CSTB: variants seen among roughly 807,000 people sequenced by gnomAD.
The protein encoded by CSTB is cystatin B, also known as cystatin-B.
In CSTB, 8 loss-of-function variants were observed where a neutral mutation model predicts 7.6. The ratio of observed to expected loss-of-function variants is 1.05; its 90% confidence interval spans 0.62 to 1.89. The LOEUF is 1.89. CSTB is among the 40% of genes most tolerant of loss of function. CSTB has a pLI of 0.00. For missense variants in CSTB, 124 were observed against 126.4 expected (o/e 0.98, Z 0.09); for synonymous variants, 56 against 55.3 (o/e 1.01, Z -0.06).
rs971973529 is a variant in CSTB at position 43,774,172 on chromosome 21, C to T, written c.*30G>A. On this transcript the variant is annotated 3_prime_UTR_variant, in exon 3 of 3. Coordinates refer to ENST00000291568, the MANE Select transcript of CSTB (RefSeq NM_000100.4). ...GACGGAGGATGACTTTGTCAGTCTTCTGGCTGAAGGGCCTTGTCCAAAGTC... is the reference window on the plus strand; with the variant it reads ...GACGGAGGATGACTTTGTCAGTCTTTTGGCTGAAGGGCCTTGTCCAAAGTC... 3.1e-6 allele frequency: 5 copies of T among 1,614,052 alleles called. No homozygotes were observed. Among genetic ancestry groups the T allele is most frequent in the Admixed American group, 3.3e-5 (2 of 60,010 alleles).
chr21:43,774,262 G>T lies in CSTB; in HGVS notation c.237C>A (p.Pro79=). The change falls in exon 3 of 3, where the codon CCC becomes CCA. Residue 79 remains proline, a synonymous_variant. Transcript: ENST00000291568. ...TGGTCTGGTAGTTAGATAAGGTCAA[G>T]GGCTTGTTTTCATGAGGGAGAGATT... The part of the protein sequence containing the change: ...VFQSLPHENK[P]LTLSNYQTNK... 1 of 1,614,198 alleles carries T rather than the reference G, an allele frequency of 6.2e-7. No individual in the cohort carries two copies. Among genetic ancestry groups the T allele is most frequent in the Non-Finnish European group, 8.5e-7 (1 of 1,180,032 alleles).
At chr21:43,776,087 G>T in intron 1 of CSTB, 117 bp downstream of exon 1, 2 of 974,094 alleles carry the variant, frequency 2.1e-6, no homozygotes, top group Non-Finnish European at 3.0e-6. Flanking sequence ...CCACAGCCCG[G>T]GCCAGCCCAG....
intron 1 of CSTB, chr21:43,775,977 T>C: frequency 4.3e-6 from 2 of 462,860 alleles, no homozygotes; most frequent in Non-Finnish European, 3.8e-6. Flanking sequence ...TCGCCCTTGC[T>C]GTATTCAGCG....
chr21:43,775,086 G>A (rs1014993071), intron 1 of CSTB: 115 of 372,866 alleles, frequency 3.1e-4, no homozygotes, highest in Middle Eastern at 2.9e-3. Flanking sequence ...AGCTGGGCGT[G>A]GTGGCGAGCA....
rs565678280 is a variant in CSTB, at chr21:43,776,180, G to A, written c.66+24C>T. On this transcript the variant is annotated intron_variant, in intron 1 of 2. Coordinates refer to ENST00000291568, the MANE Select transcript of CSTB (RefSeq NM_000100.4). ...GAGGCTAAGGCAGGACTCCGGGCCG[G>A]CCCCGTCCCCGCGGCCCACCCACCT... is the stretch of plus-strand genomic sequence containing the variant. 49 of 1,525,192 alleles carry A rather than the reference G, an allele frequency of 3.2e-5. No individual in the cohort carries two copies. The South Asian group carries it at 3.5e-4, about 11-fold the overall frequency. The allele number at this position is 1,525,192 out of a possible 1,614,324, so 94.5% of individuals were successfully genotyped here.
intron 1 of CSTB, chr21:43,775,783 G>C (rs2084006833): frequency 5.6e-6 from 1 of 178,108 alleles, no homozygotes; most frequent in African/African-American, 2.4e-5. Context: ...AGTTTAGCCA[G>C]ACCCTTCCCA....
At chr21:43,774,799 C>T (rs1344729067) in intron 1 of CSTB, 40 bp from the exon 2 acceptor site, 3 of 1,456,226 alleles carry the variant, frequency 2.1e-6, no homozygotes, top group Non-Finnish European at 2.9e-6. Context: ...TCAGTGGCTT[C>T]TTGGATTCCC....
In CSTB at chr21:43,776,200, C is replaced by A; in HGVS notation, c.66+4G>T. On this transcript the variant is annotated splice_donor_region_variant and intron_variant, in intron 1 of 2. Transcript: ENST00000291568. Reference sequence around the variant, plus strand: ...GGCCGGCCCCGTCCCCGCGGCCCACCCACCTGGTCGGCGATGTGCTGGGTC... The same window carrying A: ...GGCCGGCCCCGTCCCCGCGGCCCACACACCTGGTCGGCGATGTGCTGGGTC... 5 of 1,530,948 alleles carry A rather than the reference C, an allele frequency of 3.3e-6. No individual in the cohort carries two copies. Among genetic ancestry groups the A allele is most frequent in the Non-Finnish European group, 4.4e-6 (5 of 1,142,898 alleles). The allele number at this position is 1,530,948 out of a possible 1,614,324, so 94.8% of individuals were successfully genotyped here.
rs2123387857 is a variant in CSTB at position 43,776,228 on chromosome 21, G to C, written c.42C>G (p.Ala14=). The C allele has an allele frequency of 3.3e-6, 5 of 1,531,604 alleles. No homozygotes were observed. Among genetic ancestry groups the C allele is most frequent in the Non-Finnish European group, 4.4e-6 (5 of 1,142,430 alleles). 94.9% of individuals were successfully genotyped at this position (1,531,604 alleles called of 1,614,324 possible). Residue 14 remains alanine (A), a synonymous_variant, in exon 1 of 3, where the codon GCC becomes GCG. Transcript: ENST00000291568. The part of the protein sequence containing the change: ...GAPSATQPAT[A]ETQHIADQVR... ...CCTGGTCGGCGATGTGCTGGGTCTC[G>C]GCGGTGGCCGGCTGCGTGGCGGAGG...
intron 1 of CSTB, chr21:43,775,908 T>G (rs2084007613): frequency 2.9e-6 from 1 of 349,192 alleles, no homozygotes; most frequent in East Asian, 4.7e-5. Flanking sequence ...TCCCTGGGGT[T>G]TCCTCTCAGA....
Position 43,774,754 on chromosome 21 carries a change from C to A in CSTB, c.72G>T (p.Arg24Ser), listed in dbSNP as rs1281177958. 1 of 1,613,382 alleles carries A rather than the reference C, an allele frequency of 6.2e-7. No individual in the cohort carries two copies. The highest frequency in any genetic ancestry group is 8.5e-7 in the Non-Finnish European group (1 of 1,179,312). ...AETQHIADQV[R>S]SQLEEKENKK... is the part of the protein sequence containing the mutation. ...TGTTTTCTTTCTCTTCAAGCTGGGA[C>A]CTCACCTAGACAGAAGGGACAGAAT... The change falls in exon 2 of 3, where the codon AGG (arginine) becomes AGT (serine). Residue 24 changes from arginine (R) to serine (S), a missense_variant. By Grantham distance (110) the Arg-to-Ser change is moderately radical. Coordinates refer to ENST00000291568, the MANE Select transcript of CSTB (RefSeq NM_000100.4).
In CSTB at chr21:43,774,681, C is replaced by T. The variant is rs559906825; in HGVS notation, c.145G>A (p.Ala49Thr). 1.7e-5 allele frequency: 28 copies of T among 1,614,110 alleles called. No individual in the cohort carries two copies. The African/African-American group carries it at 2.8e-4, about 16-fold the overall frequency. ...KAVSFKSQVVAGTNYFIKVHV... is the reference protein window; with the variant it reads ...KAVSFKSQVVTGTNYFIKVHV... Reference sequence around the variant, plus strand: ...ACCTTGATGAAGTAGTTTGTCCCCGCGACCACCTGGCTCTTGAATGACACG... The same window carrying T: ...ACCTTGATGAAGTAGTTTGTCCCCGTGACCACCTGGCTCTTGAATGACACG... Residue 49 changes from alanine (A) to threonine (T), a missense_variant, in exon 2 of 3, where the codon GCG becomes ACG. Physicochemically the swap from Ala to Thr is moderately conservative, Grantham distance 58. Transcript: ENST00000291568.
At chr21:43,776,030 G>T in intron 1 of CSTB, 174 bp downstream of exon 1, 1 of 529,334 alleles carries the variant, frequency 1.9e-6, no homozygotes, top group Non-Finnish European at 3.2e-6. Context: ...GCGGCCCCCC[G>T]CTGCTCACTC....
At chr21:43,776,029 C>A (rs2084008208) in intron 1 of CSTB, 175 bp downstream of exon 1, 1 of 528,578 alleles carries the variant, frequency 1.9e-6, no homozygotes, top group Non-Finnish European at 3.2e-6. Context: ...CGCGGCCCCC[C>A]GCTGCTCACT....
chr21:43,775,558 T>C (rs1358136266), intron 1 of CSTB: 1 of 152,806 alleles, frequency 6.5e-6, no homozygotes, highest in Non-Finnish European at 1.5e-5. Context: ...TAAAGAAACC[T>C]GTGGACCTTT....
intron 2 of CSTB, 155 bp from the exon 3 acceptor site, chr21:43,774,485 TC>T: frequency 7.9e-7 from 1 of 1,273,448 alleles, no homozygotes; most frequent in Non-Finnish European, 1.1e-6. Flanking sequence ...GGTTCTTAGC[TC>T]CCCAGAAGCC....
intron 2 of CSTB, 32 bp downstream of exon 2, chr21:43,774,626 C>A: frequency 1.3e-6 from 2 of 1,579,662 alleles, no homozygotes; most frequent in South Asian, 1.1e-5. Flanking sequence ...AGCACCCGTT[C>A]GGGGCAGGCC....
intron 2 of CSTB, 82 bp downstream of exon 2, chr21:43,774,576 A>C: frequency 7.6e-7 from 1 of 1,323,284 alleles, no homozygotes; most frequent in Non-Finnish European, 1.1e-6. Context: ...CCCAGCACCT[A>C]AGACCACACA....
rs937022596 is a variant in CSTB, at chr21:43,775,209, A to G, written c.67-450T>C. 7 of 264,944 alleles carry G rather than the reference A, an allele frequency of 2.6e-5. No individual in the cohort carries two copies. The East Asian group carries it at 4.0e-4, about 15-fold the overall frequency. 16.4% of individuals were successfully genotyped at this position (264,944 alleles called of 1,614,324 possible). A position where few individuals can be genotyped will look rare whatever the true frequency, so the allele number is the denominator to read the frequency against. ...CTGCACTCCACCCTGGGCAAGAGTG[A>G]GACTGAGTCTCAAAAACAAAAAAAA... is the stretch of plus-strand genomic sequence containing the variant. On this transcript the variant is annotated intron_variant, in intron 1 of 2. Transcript: ENST00000291568.
Sources: allele counts gnomAD v4.1 joint callset, GRCh38; gene constraint gnomAD v4.1.1; transcripts MANE v1.5; gene names NCBI Gene and HGNC (gene_info 2026-07-23, HGNC 2026-07-21).